The following TSPEAR variants were observed in gnomAD, a reference collection of about 807,000 sequenced individuals.
The protein encoded by TSPEAR is thrombospondin type laminin G domain and EAR repeats, also known as thrombospondin-type laminin G domain and EAR repeat-containing protein.
Under a neutral mutation model 71.6 loss-of-function variants are expected in TSPEAR, and 69 were observed. The ratio of observed to expected loss-of-function variants is 0.96; its 90% CI spans 0.79 to 1.18. TSPEAR has a LOEUF of 1.18. Among genes scored for constraint, TSPEAR ranks in the 50% most tolerant of loss-of-function variants. The probability of loss-of-function intolerance (pLI) is 0.00; values close to 1 mark genes in which losing one functional copy is unlikely to be tolerated. For missense variants in TSPEAR, 971 were observed against 894.9 expected (o/e 1.09, Z -1.09); for synonymous variants, 402 against 387.2 (o/e 1.04, Z -0.45).
chr21:44,678,011 G>T (rs1986401195), intron 1 of TSPEAR: 2 of 861,104 alleles, frequency 2.3e-6, no homozygotes. Context: ...GGTCACAGTG[G>T]ACGGAGGACT....
Position 44,509,284 on chromosome 21 carries a change from C to T in TSPEAR, c.1669G>A (p.Asp557Asn). ...SYDVEMQVQN[D>N]SYVINSVIYE... Reference sequence around the variant, plus strand: ...ATGACGGAGTTGATGACATAGGAATCATTCTGGACTTGCATCTCCACATCG... The same window carrying T: ...ATGACGGAGTTGATGACATAGGAATTATTCTGGACTTGCATCTCCACATCG... Residue 557 changes from aspartate to asparagine, a missense_variant, in exon 10 of 12, where the codon GAT becomes AAT. By Grantham distance (23) the Asp-to-Asn change is conservative (BLOSUM62 1). Coordinates refer to ENST00000323084, the MANE Select transcript of TSPEAR (RefSeq NM_144991.3). The T allele has an allele frequency of 6.2e-7, 1 of 1,614,142 alleles. No individual in the cohort carries two copies.
intron 2 of TSPEAR, among the ~76,000 whole-genome samples, chr21:44,549,735 C>T (rs1438345964): frequency 1.3e-5 from 2 of 152,264 alleles, no homozygotes; most frequent in African/African-American, 4.8e-5. Flanking sequence ...CTCTCGCCCT[C>T]TGGTCTGCAT....
chr21:44,630,435 A>C (rs902551400), intron 1 of TSPEAR, among the ~76,000 whole-genome samples: 1 of 152,178 alleles, frequency 6.6e-6, no homozygotes, highest in African/African-American at 2.4e-5. Flanking sequence ...CACCCCAAAA[A>C]ACCTGGGAGG....
chr21:44,703,199 C>A (rs1299437173), intron 1 of TSPEAR, among the ~76,000 whole-genome samples: 2 of 152,208 alleles, frequency 1.3e-5, no homozygotes, highest in African/African-American at 2.4e-5. Context: ...TTTCTCGGGC[C>A]CTCTATGCAA....
At chr21:44,569,960 C>T (rs1212812570) in intron 1 of TSPEAR, among the ~76,000 whole-genome samples, 2 of 152,072 alleles carry the variant, frequency 1.3e-5, no homozygotes, top group Non-Finnish European at 2.9e-5. Context: ...CGTCCTGGGT[C>T]CCCTGGAAAG....
chr21:44,516,551 C>T (rs1555913468), intron 9 of TSPEAR: 1 of 152,274 alleles, frequency 6.6e-6, no homozygotes, highest in Non-Finnish European at 1.5e-5. Context: ...TAAACACCAA[C>T]ACCCGCGCCC....
chr21:44,658,223 A>G (rs1985279580), intron 1 of TSPEAR: 1 of 1,613,908 alleles, frequency 6.2e-7, no homozygotes, highest in African/African-American at 1.3e-5. Context: ...CCCCTGCACC[A>G]CTGCCCTCTG....
rs565088678 is a variant in TSPEAR at position 44,710,133 on chromosome 21, G to T, written c.82+1300C>A. 9.9e-5 allele frequency among the ~76,000 whole-genome samples: 15 copies of T among 152,188 alleles called. No individual in the cohort carries two copies. Among genetic ancestry groups the T allele is most frequent in the African/African-American group, 3.4e-4 (14 of 41,516 alleles). ...CTCTCAGCTGCCCCGGGGTCCTCGAGCAGGGGAGGGAGAAAGGCTGGCGCT... is the reference window on the plus strand; with the variant it reads ...CTCTCAGCTGCCCCGGGGTCCTCGATCAGGGGAGGGAGAAAGGCTGGCGCT... On this transcript the variant is annotated intron_variant, in intron 1 of 11. Transcript: ENST00000323084. This position sits in a 1 kb window ranked among gnomAD's most constrained non-coding sequence, Gnocchi z 4.6.
intron 2 of TSPEAR, among the ~76,000 whole-genome samples, chr21:44,536,371 G>A (rs2053091620): frequency 1.3e-5 from 2 of 152,150 alleles, no homozygotes; most frequent in Admixed American, 1.3e-4. Context: ...GGAACCCATG[G>A]GTTTTTCTTT....
chr21:44,581,505 T>C (rs1319381916), intron 1 of TSPEAR, among the ~76,000 whole-genome samples: 1 of 152,114 alleles, frequency 6.6e-6, no homozygotes, highest in African/African-American at 2.4e-5. Flanking sequence ...GAGACTGAGG[T>C]TGGTCATTTG....
intron 1 of TSPEAR, among the ~76,000 whole-genome samples, chr21:44,685,438 C>T (rs1161734155): frequency 2.0e-5 from 3 of 152,110 alleles, no homozygotes; most frequent in Non-Finnish European, 4.4e-5. Flanking sequence ...CCCAAGCTGC[C>T]TCTGCAGGGG....
chr21:44,588,908 C>G (rs1483181122), intron 1 of TSPEAR, among the ~76,000 whole-genome samples: 3 of 151,084 alleles, frequency 2.0e-5, no homozygotes, highest in Non-Finnish European at 2.9e-5. Context: ...GAATGGAAAA[C>G]CAAACATCAT....
intron 1 of TSPEAR, chr21:44,601,779 C>G: frequency 6.3e-7 from 1 of 1,575,542 alleles, no homozygotes; most frequent in South Asian, 1.2e-5. Flanking sequence ...TCACTGCCAC[C>G]TGCACCCCTG....
intron 1 of TSPEAR, among the ~76,000 whole-genome samples, chr21:44,610,017 C>T (rs782738557): frequency 6.6e-6 from 1 of 151,902 alleles, no homozygotes; most frequent in Non-Finnish European, 1.5e-5. Flanking sequence ...AACAGGAGAA[C>T]TAAGAAGAGC....
At chr21:44,675,566 C>G (rs587753960) in intron 1 of TSPEAR, among the ~76,000 whole-genome samples, 2 of 151,766 alleles carry the variant, frequency 1.3e-5, no homozygotes, top group Non-Finnish European at 2.9e-5. Context: ...ATTCAGTTTG[C>G]TCCGAGGGCA....
At chr21:44,606,827 A>G (rs1217827790) in intron 1 of TSPEAR, among the ~76,000 whole-genome samples, 3 of 152,196 alleles carry the variant, frequency 2.0e-5, no homozygotes, top group Non-Finnish European at 4.4e-5. Flanking sequence ...ACTTAGAAAC[A>G]GAGAGCAGAA....
At chr21:44,676,695 C>T (rs1986328193) in intron 1 of TSPEAR, 1 of 772,368 alleles carries the variant, frequency 1.3e-6, no homozygotes, top group Non-Finnish European at 2.4e-6. Context: ...GTCAGTGAAG[C>T]TAGGTTCTCA....
At chr21:44,615,930 G>A (rs1476091277) in intron 1 of TSPEAR, among the ~76,000 whole-genome samples, 3 of 152,208 alleles carry the variant, frequency 2.0e-5, no homozygotes, top group African/African-American at 7.2e-5. Flanking sequence ...ACACGCCCAT[G>A]AGACAACTAC....
At chr21:44,537,694 C>T (rs1194975749) in intron 2 of TSPEAR, among the ~76,000 whole-genome samples, 1 of 151,942 alleles carries the variant, frequency 6.6e-6, no homozygotes, top group East Asian at 1.9e-4. Flanking sequence ...CCAATATCAG[C>T]AAAATTAGGC....
Sources: gnomAD v4.1 joint callset for allele counts (sites outside exome capture counted in the v4.1 genomes callset) on GRCh38, gnomAD v4.1.1 for gene constraint, Gnocchi (gnomAD v3.1) non-coding constraint, MANE v1.5 for transcripts, NCBI Gene and HGNC (gene_info 2026-07-23, HGNC 2026-07-21) for gene names.